SNRPN: variants seen among roughly 807,000 people sequenced by gnomAD.
SNRPN encodes small nuclear ribonucleoprotein polypeptide N, also known as small nuclear ribonucleoprotein-associated protein N.
Under a neutral mutation model 25.2 loss-of-function variants are expected in SNRPN, and 7 were observed. The observed-to-expected ratio is 0.28, with a 90% confidence interval of 0.16 to 0.52. The LOEUF (loss-of-function observed/expected upper bound fraction) is 0.52, where lower values mean the gene tolerates loss of function less well. SNRPN is among the 20% of genes least tolerant of loss of function. SNRPN has a pLI of 0.96. For synonymous variants in SNRPN, 124 were observed against 110.6 expected (o/e 1.12, Z -0.76); for missense variants, 196 against 322.5 (o/e 0.61, Z 3.00).
At chr15:24,845,610 A>T (rs2144516111) in intron 2 of SNRPN, among the ~76,000 whole-genome samples, 1 of 152,330 alleles carries the variant, frequency 6.6e-6, no homozygotes, top group Middle Eastern at 3.4e-3. Flanking sequence ...AAAAAAAAGA[A>T]AAGAAAAGAA....
chr15:24,924,313 G>A (rs76216989), intron 3 of SNRPN, among the ~76,000 whole-genome samples: 3,896 of 151,932 alleles, frequency 0.026, 172 homozygotes, highest in African/African-American at 0.09. Context: ...AACAGTTTGG[G>A]GGAAAGATAA....
intron 2 of SNRPN, among the ~76,000 whole-genome samples, chr15:24,962,420 T>C (rs920173008): frequency 1.3e-5 from 2 of 152,222 alleles, no homozygotes; most frequent in Non-Finnish European, 2.9e-5. Flanking sequence ...TTTTCTTTTT[T>C]CCTATACGTG....
intron 2 of SNRPN, among the ~76,000 whole-genome samples, chr15:24,896,921 G>A (rs1235918852): frequency 2.6e-5 from 4 of 152,120 alleles, no homozygotes; most frequent in Admixed American, 1.3e-4. Flanking sequence ...GGAGGCTGAG[G>A]TGGGTAGACT....
intron 1 of SNRPN, among the ~76,000 whole-genome samples, chr15:24,955,846 G>A (rs964422035): frequency 2.0e-5 from 3 of 151,396 alleles, no homozygotes; most frequent in Non-Finnish European, 4.4e-5. Context: ...GGTGGGCATG[G>A]CATGGAGGCG....
At chr15:24,860,342 T>G (rs1276989799) in intron 1 of SNRPN, among the ~76,000 whole-genome samples, 4 of 152,334 alleles carry the variant, frequency 2.6e-5, no homozygotes, top group Admixed American at 2.0e-4. Context: ...GGTATTTATT[T>G]AGTGAAGAAA....
At chr15:24,976,054 A>C (rs1002584500) in intron 5 of SNRPN, among the ~76,000 whole-genome samples, 2 of 152,262 alleles carry the variant, frequency 1.3e-5, no homozygotes, top group Non-Finnish European at 2.9e-5. Context: ...TTCACAAAAG[A>C]AATTAGTCTT....
chr15:24,929,191 A>C lies in SNRPN; in HGVS notation c.-391+9067A>C, dbSNP rs932865576. On this transcript the variant is annotated intron_variant, in intron 3 of 11. Coordinates refer to the SNRPN transcript ENST00000400097. This position sits in a 1 kb window ranked among gnomAD's most constrained non-coding sequence, Gnocchi z 5.3. ...TAGCTATATGTGTGTATGTGTATAT[A>C]TATCTTCATGTATTTATAGTGATAT... Among the ~76,000 whole-genome samples, 5 of 152,134 alleles carry C rather than the reference A, an allele frequency of 3.3e-5. No individual in the cohort carries two copies. The highest frequency in any genetic ancestry group is 3.3e-4 in the Admixed American group (5 of 15,266).
intron 2 of SNRPN, chr15:24,910,971 G>C: frequency 9.7e-7 from 1 of 1,028,178 alleles, no homozygotes; most frequent in Non-Finnish European, 1.5e-6. Flanking sequence ...CAAAACCACT[G>C]TTGGCACATG....
rs2075897969 is a variant in SNRPN at position 24,967,956 on chromosome 15, T to TCAG, written c.-261_-259dup. ...GGTGTCAGTTGTACCCGAGGCGTTCTCAGCAGCAGCAAGTACCTGTGGTGG... is the reference window on the plus strand; with the variant it reads ...GGTGTCAGTTGTACCCGAGGCGTTCTCAGCAGCAGCAGCAAGTACCTGTGGTGG... On this transcript the variant is annotated 5_prime_UTR_variant, in exon 3 of 10. Coordinates refer to ENST00000390687, the MANE Select transcript of SNRPN (RefSeq NM_003097.6). 1 of 1,614,166 alleles carries TCAG rather than the reference T, an allele frequency of 6.2e-7. No individual in the cohort carries two copies. The highest frequency in any genetic ancestry group is 8.5e-7 in the Non-Finnish European group (1 of 1,180,020).
intron 3 of SNRPN, among the ~76,000 whole-genome samples, chr15:24,972,593 G>T (rs2076562662): frequency 6.7e-6 from 1 of 148,762 alleles, no homozygotes; most frequent in Non-Finnish European, 1.5e-5. Context: ...GCCCAGGCTG[G>T]AGTGCAATGG....
chr15:24,840,245 C>G (rs1311968469), intron 2 of SNRPN, among the ~76,000 whole-genome samples: 1 of 152,136 alleles, frequency 6.6e-6, no homozygotes, highest in Non-Finnish European at 1.5e-5. Context: ...GTAATCCCAG[C>G]TATTCAGGAG....
intron 3 of SNRPN, among the ~76,000 whole-genome samples, chr15:24,923,923 A>ATTTTTTTT (rs34575205): frequency 1.1e-5 from 1 of 89,908 alleles, no homozygotes; most frequent in Non-Finnish European, 2.0e-5. Context: ...GTATATAAAC[A>ATTTTTTTT]TTTTTTTTTT....
chr15:24,895,950 A>G (rs899725847), intron 2 of SNRPN, among the ~76,000 whole-genome samples: 33 of 152,212 alleles, frequency 2.2e-4, no homozygotes, highest in Non-Finnish European at 7.3e-5. Context: ...CTATGTTTGT[A>G]TTAAAGGTGT....
chr15:24,841,030 G>A (rs952299584), intron 2 of SNRPN, among the ~76,000 whole-genome samples: 1 of 151,908 alleles, frequency 6.6e-6, no homozygotes. Context: ...TAGTAGAGAC[G>A]GGGTTTCACC....
At chr15:24,945,076 G>C (rs1235589251) in intron 3 of SNRPN, among the ~76,000 whole-genome samples, 2 of 152,004 alleles carry the variant, frequency 1.3e-5, no homozygotes, top group East Asian at 3.9e-4. Context: ...GGGTACCATG[G>C]CCTAGCCCCA....
intron 3 of SNRPN, 73 bp downstream of exon 3, chr15:24,968,155 A>G (rs947993816): frequency 1.8e-5 from 16 of 867,466 alleles, no homozygotes; most frequent in East Asian, 1.6e-4. Context: ...TCTCTTAATT[A>G]TCAGTGACAC....
rs1016480124 is a variant in SNRPN, at chr15:24,965,848, C to T, written c.-294-2084C>T. Among the ~76,000 whole-genome samples the T allele has an allele frequency of 5.3e-5, 8 of 151,716 alleles. No individual in the cohort carries two copies. The South Asian group carries it at 8.3e-4, about 16-fold the overall frequency. On this transcript the variant is annotated intron_variant, in intron 2 of 9. Transcript: ENST00000390687. ...GACATTGCAATAGAGAATTATCTTA[C>T]GTTTCAAGATAACATTATATATATT...
intron 2 of SNRPN, among the ~76,000 whole-genome samples, chr15:24,966,169 C>T (rs1347779094): frequency 1.3e-5 from 2 of 152,136 alleles, no homozygotes; most frequent in Admixed American, 1.3e-4. Context: ...GCAGGGCACC[C>T]ACACTTCCGA....
chr15:24,905,285 G>C (rs1183966937), intron 2 of SNRPN, among the ~76,000 whole-genome samples: 1 of 151,942 alleles, frequency 6.6e-6, no homozygotes, highest in East Asian at 1.9e-4. Flanking sequence ...CCGAGGTGGG[G>C]GGATTATGAG....
Sources: gnomAD v4.1 joint callset for allele counts (sites outside exome capture counted in the v4.1 genomes callset) on GRCh38, gnomAD v4.1.1 for gene constraint, Gnocchi (gnomAD v3.1) non-coding constraint, MANE v1.5 for transcripts, NCBI Gene and HGNC (gene_info 2026-07-23, HGNC 2026-07-21) for gene names.